The following BCL11B variants were observed in gnomAD, a reference collection of about 807,000 sequenced individuals.
BCL11B encodes BCL11 transcription factor B, also known as B-cell lymphoma/leukemia 11B.
A neutral mutation model predicts 49.9 loss-of-function variants in BCL11B; 8 were observed. The observed-to-expected ratio is 0.16, with a 90% CI of 0.09 to 0.29. BCL11B has a LOEUF of 0.29. BCL11B is among the 10% of genes least tolerant of loss of function. The pLI is 1.00. For missense variants in BCL11B, 1,006 were observed against 1,351.0 expected (o/e 0.74, Z 4.00); for synonymous variants, 739 against 637.4 (o/e 1.16, Z -2.40).
At chr14:99,212,808 G>A (rs1021980725) in intron 3 of BCL11B, among the ~76,000 whole-genome samples, 4 of 152,198 alleles carry the variant, frequency 2.6e-5, no homozygotes, top group African/African-American at 9.6e-5. Flanking sequence ...ACTGCAGAGG[G>A]CTGATCCCAG....
chr14:99,177,274 T>C (rs1470938998), intron 3 of BCL11B, among the ~76,000 whole-genome samples: 1 of 151,964 alleles, frequency 6.6e-6, no homozygotes, highest in African/African-American at 2.4e-5. Context: ...GGATGAACAG[T>C]GGCAAATGCT....
At chr14:99,233,455 A>C (rs1888396708) in intron 2 of BCL11B, among the ~76,000 whole-genome samples, 1 of 152,322 alleles carries the variant, frequency 6.6e-6, no homozygotes, top group South Asian at 2.1e-4. Context: ...AGTGGGCGGA[A>C]GTCTGAGATC....
In BCL11B at chr14:99,176,467, C is replaced by A. The variant is rs74080333; in HGVS notation, c.641-272G>T. On this transcript the variant is annotated intron_variant, in intron 3 of 3. Coordinates refer to ENST00000357195, the MANE Select transcript of BCL11B (RefSeq NM_138576.4). ...TTGTGTAAGACCCGCCTTGCTCCCC[C>A]AAAGAAAAGGGATTCTGATCTCCAT... Among the ~76,000 whole-genome samples the A allele has an allele frequency of 5.0e-3, 754 of 152,286 alleles. 8 individuals carry two copies. Among genetic ancestry groups the A allele is most frequent in the African/African-American group, 0.017 (709 of 41,552 alleles).
intron 3 of BCL11B, among the ~76,000 whole-genome samples, chr14:99,203,647 G>A (rs897689720): frequency 1.3e-5 from 2 of 152,140 alleles, no homozygotes; most frequent in Non-Finnish European, 2.9e-5. Context: ...CATTCATTCA[G>A]TGAGTCATTC....
Position 99,271,208 on chromosome 14 carries a change from C to A in BCL11B, c.11G>T (p.Arg4Leu). Reference protein sequence around the residue: MSRRKQGNPQHLSQ... With the variant: MSRLKQGNPQHLSQ... Reference sequence around the variant, plus strand: ...CAAGTGCTGCGGGTTGCCCTGTTTGCGGCGGGACATTGCCCCGGCATCTAT... The same window carrying A: ...CAAGTGCTGCGGGTTGCCCTGTTTGAGGCGGGACATTGCCCCGGCATCTAT... The change falls in exon 1 of 4, where the codon CGC becomes CTC. Residue 4 changes from arginine to leucine, a missense_variant. By Grantham distance (102) the Arg-to-Leu change is moderately radical (BLOSUM62 -2). This residue lies in a region of BCL11B where 411 missense variants were observed against 542.2 expected (regional missense o/e 0.76). Transcript: ENST00000357195. 6.5e-7 allele frequency: 1 copy of A among 1,533,790 alleles called. No homozygotes were observed. Among genetic ancestry groups the A allele is most frequent in the South Asian group, 1.2e-5 (1 of 81,340 alleles).
At chr14:99,233,383 C>T (rs1037015115) in intron 2 of BCL11B, among the ~76,000 whole-genome samples, 1 of 152,208 alleles carries the variant, frequency 6.6e-6, no homozygotes, top group Non-Finnish European at 1.5e-5. Flanking sequence ...CTCTGCTTCC[C>T]TCTAGGGCTG....
In BCL11B at chr14:99,241,184, T is replaced by A. The variant is rs1351623598; in HGVS notation, c.428-9627A>T. ...TTACTTGGTTTTGAAACTGTTTTTTTATTATTTTTTTTAAATCTACAGCCT... is the reference window on the plus strand; with the variant it reads ...TTACTTGGTTTTGAAACTGTTTTTTAATTATTTTTTTTAAATCTACAGCCT... On this transcript the variant is annotated intron_variant, in intron 2 of 3. Coordinates refer to ENST00000357195, the MANE Select transcript of BCL11B (RefSeq NM_138576.4). The surrounding 1 kb of genome is among the most constrained non-coding windows in gnomAD (Gnocchi z 4.4). Among the ~76,000 whole-genome samples the A allele has an allele frequency of 6.6e-6, 1 of 152,164 alleles. No homozygotes were observed. Among genetic ancestry groups the A allele is most frequent in the Non-Finnish European group, 1.5e-5 (1 of 68,040 alleles).
In BCL11B at chr14:99,235,961, G is replaced by C. The variant is rs149712419; in HGVS notation, c.428-4404C>G. Among the ~76,000 whole-genome samples the C allele has an allele frequency of 4.1e-3, 622 of 152,234 alleles. 3 individuals carry two copies. The highest frequency in any genetic ancestry group is 6.3e-3 in the Admixed American group (97 of 15,296). Reference sequence around the variant, plus strand: ...ATCAAAACGCCAGAGCCTGTAATGAGGGCGATTGATGGCTGTTTGGCTTTT... The same window carrying C: ...ATCAAAACGCCAGAGCCTGTAATGACGGCGATTGATGGCTGTTTGGCTTTT... On this transcript the variant is annotated intron_variant, in intron 2 of 3. Coordinates refer to ENST00000357195, the MANE Select transcript of BCL11B (RefSeq NM_138576.4).
rs545127060 is a variant in BCL11B at position 99,184,576 on chromosome 14, G to A, written c.641-8381C>T. On this transcript the variant is annotated intron_variant, in intron 3 of 3. Transcript: ENST00000357195. This position sits in a 1 kb window ranked among gnomAD's most constrained non-coding sequence, Gnocchi z 6.1. ...AGTGGCAGAGTCAAGATGCACACCC[G>A]GGTCCGTCTGACCCCAGAGCGTGTG... Among the ~76,000 whole-genome samples, 3 of 151,064 alleles carry A rather than the reference G, an allele frequency of 2.0e-5. No homozygotes were observed. The highest frequency in any genetic ancestry group is 1.9e-4 in the East Asian group (1 of 5,150).
At chr14:99,219,267 C>T (rs911619618) in intron 3 of BCL11B, among the ~76,000 whole-genome samples, 2 of 152,056 alleles carry the variant, frequency 1.3e-5, no homozygotes, top group Middle Eastern at 3.2e-3. Context: ...CTGCTGGGCT[C>T]AAGAGATCCA....
chr14:99,210,633 C>T (rs1018421113), intron 3 of BCL11B, among the ~76,000 whole-genome samples: 2 of 152,210 alleles, frequency 1.3e-5, no homozygotes, highest in Non-Finnish European at 2.9e-5. Flanking sequence ...TTTGGGTCCA[C>T]GCCAAGGCTT....
In BCL11B at chr14:99,174,658, G is replaced by A; in HGVS notation, c.2178C>T (p.Phe726=). 6.3e-7 allele frequency: 1 copy of A among 1,580,610 alleles called. No homozygotes were observed. The highest frequency in any genetic ancestry group is 8.6e-7 in the Non-Finnish European group (1 of 1,166,530). ...AASRHFMKDP[F]LGFTDARQSP... ...ACTGTCGTGCGTCCGTGAAGCCCAG[G>A]AAGGGGTCCTTCATGAAGTGCCGCG... The change falls in exon 4 of 4, where the codon TTC becomes TTT. Residue 726 remains phenylalanine, a synonymous_variant. Coordinates refer to ENST00000357195, the MANE Select transcript of BCL11B (RefSeq NM_138576.4).
At chr14:99,250,754 C>G (rs907985374) in intron 2 of BCL11B, among the ~76,000 whole-genome samples, 2 of 152,114 alleles carry the variant, frequency 1.3e-5, no homozygotes, top group Non-Finnish European at 2.9e-5. Context: ...CTTGGGAGCC[C>G]AGCTGCCTTT....
intron 3 of BCL11B, among the ~76,000 whole-genome samples, chr14:99,201,845 C>T (rs886582153): frequency 9.8e-5 from 15 of 152,312 alleles, no homozygotes; most frequent in Admixed American, 6.5e-5. Flanking sequence ...ACACTGCTCC[C>T]GGGCTCTATG....
chr14:99,254,104 C>G (rs188861667), intron 2 of BCL11B, among the ~76,000 whole-genome samples: 1 of 152,216 alleles, frequency 6.6e-6, no homozygotes, highest in African/African-American at 2.4e-5. Context: ...GACGCCCGCT[C>G]CCTCCTCTGG....
At chr14:99,265,015 G>A (rs1363525423) in intron 1 of BCL11B, among the ~76,000 whole-genome samples, 1 of 152,112 alleles carries the variant, frequency 6.6e-6, no homozygotes, top group African/African-American at 2.4e-5. Context: ...CAGGGAGTAG[G>A]GACAGGACAG....
At chr14:99,211,301 A>T (rs1285179247) in intron 3 of BCL11B, among the ~76,000 whole-genome samples, 2 of 152,206 alleles carry the variant, frequency 1.3e-5, no homozygotes, top group Admixed American at 6.5e-5. Flanking sequence ...ATGGGCAACC[A>T]GGGGAGTAAA....
chr14:99,243,154 G>C (rs1888718969), intron 2 of BCL11B, among the ~76,000 whole-genome samples: 1 of 152,164 alleles, frequency 6.6e-6, no homozygotes, highest in Admixed American at 6.5e-5. Flanking sequence ...ACACTATTCA[G>C]TATCAAGATT....
intron 3 of BCL11B, among the ~76,000 whole-genome samples, chr14:99,220,731 C>G (rs944108391): frequency 2.0e-5 from 3 of 152,060 alleles, no homozygotes; most frequent in African/African-American, 7.3e-5. Flanking sequence ...AATGGTAAAT[C>G]TAATGTTTAT....
Sources: gnomAD v4.1 joint callset for allele counts (sites outside exome capture counted in the v4.1 genomes callset) on GRCh38, gnomAD v4.1.1 for gene constraint, gnomAD v4.1.1 regional missense constraint, Gnocchi (gnomAD v3.1) non-coding constraint, MANE v1.5 for transcripts, NCBI Gene and HGNC (gene_info 2026-07-23, HGNC 2026-07-21) for gene names.